YPEL2: variants seen among roughly 807,000 people sequenced by gnomAD.
YPEL2 encodes yippee like 2, also known as protein yippee-like 2.
A neutral mutation model predicts 19.1 loss-of-function variants in YPEL2; 2 were observed. The observed-to-expected ratio is 0.10, with a 90% CI of 0.04 to 0.33. The LOEUF is 0.33. Ranked by LOEUF, YPEL2 falls within the 10% of genes least tolerant of loss-of-function variation. The probability of loss-of-function intolerance (pLI) is 1.00; values close to 1 mark genes in which losing one functional copy is unlikely to be tolerated. For synonymous variants in YPEL2, 52 were observed against 50.0 expected (o/e 1.04, Z -0.17); for missense variants, 66 against 140.7 (o/e 0.47, Z 2.68).
Position 59,353,327 on chromosome 17 carries a change from T to TC in YPEL2, c.-82dup. 1 of 1,009,088 alleles carries TC rather than the reference T, an allele frequency of 9.9e-7. No individual in the cohort carries two copies. The highest frequency in any genetic ancestry group is 1.5e-6 in the Non-Finnish European group (1 of 671,684). The allele number at this position is 1,009,088 out of a possible 1,614,324, so 62.5% of individuals were successfully genotyped here. A position where few individuals can be genotyped will look rare whatever the true frequency, so the allele number is the denominator to read the frequency against. On this transcript the variant is annotated 5_prime_UTR_variant, in exon 2 of 5. Transcript: ENST00000312655. This position sits in a 1 kb window ranked among gnomAD's most constrained non-coding sequence, Gnocchi z 4.8. Reference sequence around the variant, plus strand: ...TGCCAAACCACGGCCTTTACCTGTGTCTTCCGGTGTTTCCCGTGCGACCCA... The same window carrying TC: ...TGCCAAACCACGGCCTTTACCTGTGTCCTTCCGGTGTTTCCCGTGCGACCCA...
Position 59,353,624 on chromosome 17 carries a change from T to TC in YPEL2, c.117+100dup, listed in dbSNP as rs1733962785. ...TACAAGCTCTCAAGAATATTTGTAC[T>TC]CCATCTTTGTACAGGGAGGGCTGAC... On this transcript the variant is annotated intron_variant, in intron 2 of 4. Coordinates refer to ENST00000312655, the MANE Select transcript of YPEL2 (RefSeq NM_001005404.4). This position sits in a 1 kb window ranked among gnomAD's most constrained non-coding sequence, Gnocchi z 4.8. 1.1e-6 allele frequency: 1 copy of TC among 942,482 alleles called. No individual in the cohort carries two copies. The highest frequency in any genetic ancestry group is 1.7e-6 in the Non-Finnish European group (1 of 576,414). 58.4% of individuals were successfully genotyped at this position (942,482 alleles called of 1,614,324 possible).
chr17:59,347,362 A>G (rs1298592817), intron 1 of YPEL2, among the ~76,000 whole-genome samples: 1 of 152,140 alleles, frequency 6.6e-6, no homozygotes, highest in Non-Finnish European at 1.5e-5. Flanking sequence ...CCTGGCCTCA[A>G]GCAGTCCTTC....
intron 1 of YPEL2, among the ~76,000 whole-genome samples, chr17:59,338,721 G>A (rs1242598135): frequency 6.6e-6 from 1 of 152,224 alleles, no homozygotes; most frequent in Non-Finnish European, 1.5e-5. Flanking sequence ...TTCCTTCACA[G>A]TAAGGGTGAA....
At chr17:59,341,062 T>A (rs187540780) in intron 1 of YPEL2, among the ~76,000 whole-genome samples, 10 of 146,356 alleles carry the variant, frequency 6.8e-5, no homozygotes, top group Non-Finnish European at 1.5e-4. Flanking sequence ...CGGTGGCTCA[T>A]GCCTGTAATC....
chr17:59,349,007 T>C (rs1361503915), intron 1 of YPEL2, among the ~76,000 whole-genome samples: 2 of 151,968 alleles, frequency 1.3e-5, no homozygotes, highest in African/African-American at 4.8e-5. Flanking sequence ...ACCCCGTCTC[T>C]ACTAAAAATA....
intron 1 of YPEL2, among the ~76,000 whole-genome samples, chr17:59,349,475 C>T (rs1330717234): frequency 2.0e-5 from 3 of 150,344 alleles, no homozygotes; most frequent in Non-Finnish European, 4.4e-5. Flanking sequence ...GCTGGGACTA[C>T]AGCTGGGACT....
At chr17:59,385,863 T>G (rs1273566978) in intron 2 of YPEL2, among the ~76,000 whole-genome samples, 1 of 152,240 alleles carries the variant, frequency 6.6e-6, no homozygotes, top group African/African-American at 2.4e-5. Context: ...TTTAGTTGAC[T>G]CAGAATATTT....
chr17:59,363,549 G>A (rs962814112), intron 2 of YPEL2, among the ~76,000 whole-genome samples: 2 of 152,142 alleles, frequency 1.3e-5, no homozygotes, highest in African/African-American at 4.8e-5. Context: ...CTGACCTCAA[G>A]TGATCCACCT....
chr17:59,398,144 TTC>T lies in YPEL2; in HGVS notation c.*956_*957del, dbSNP rs1429638269. 1 of 152,152 alleles carries T rather than the reference TTC, an allele frequency of 6.6e-6. No individual in the cohort carries two copies. 9.4% of individuals were successfully genotyped at this position (152,152 alleles called of 1,614,324 possible). A position where few individuals can be genotyped will look rare whatever the true frequency, so the allele number is the denominator to read the frequency against. ...AATAAAAAGTAGGATCAGTTAGCAATTCTAACTGCCCTTCCTTCTGACCCCTC... is the reference window on the plus strand; with the variant it reads ...AATAAAAAGTAGGATCAGTTAGCAATTAACTGCCCTTCCTTCTGACCCCTC... On this transcript the variant is annotated 3_prime_UTR_variant, in exon 5 of 5. Transcript: ENST00000312655.
chr17:59,393,596 G>A (rs2147960130), intron 4 of YPEL2, among the ~76,000 whole-genome samples: 1 of 147,024 alleles, frequency 6.8e-6, no homozygotes, highest in East Asian at 2.0e-4. Context: ...CAATAGTGGA[G>A]GGAAGGTCAG....
intron 2 of YPEL2, among the ~76,000 whole-genome samples, chr17:59,373,456 A>G (rs1011243337): frequency 7.2e-5 from 11 of 152,020 alleles, no homozygotes; most frequent in Non-Finnish European, 1.3e-4. Flanking sequence ...TGTCCCATCC[A>G]TCTTCTCTGA....
chr17:59,370,570 A>G (rs1210118160), intron 2 of YPEL2, among the ~76,000 whole-genome samples: 1 of 151,994 alleles, frequency 6.6e-6, no homozygotes, highest in African/African-American at 2.4e-5. Context: ...AAACAGAGGA[A>G]CCCAACACAA....
At chr17:59,358,690 A>G (rs1351124317) in intron 2 of YPEL2, among the ~76,000 whole-genome samples, 2 of 151,818 alleles carry the variant, frequency 1.3e-5, no homozygotes, top group East Asian at 3.9e-4. Context: ...ACTTACCGCA[A>G]CCTCTGCCTC....
intron 1 of YPEL2, among the ~76,000 whole-genome samples, chr17:59,332,109 C>G (rs2047673735): frequency 1.3e-5 from 2 of 152,062 alleles, no homozygotes; most frequent in African/African-American, 4.8e-5. Flanking sequence ...GGGAGACGCG[C>G]GCCAGGGGCT....
intron 1 of YPEL2, among the ~76,000 whole-genome samples, chr17:59,343,883 T>C (rs2047743386): frequency 2.0e-5 from 3 of 152,156 alleles, no homozygotes; most frequent in Admixed American, 6.5e-5. Context: ...TATGGGAAGC[T>C]GTCGCAGTAG....
Position 59,379,472 on chromosome 17 carries a change from C to T in YPEL2, c.118-8855C>T, listed in dbSNP as rs549705960. 7.7e-4 allele frequency among the ~76,000 whole-genome samples: 117 copies of T among 152,278 alleles called. No homozygotes were observed. The Middle Eastern group carries it at 0.01, about 13-fold the overall frequency. On this transcript the variant is annotated intron_variant, in intron 2 of 4. Coordinates refer to ENST00000312655, the MANE Select transcript of YPEL2 (RefSeq NM_001005404.4). ...CAAGGGCAAAGGTTTTACTAATCCT[C>T]CTTTGTATCTCTACCTACACACTTC...
At chr17:59,381,920 T>C (rs577978101) in intron 2 of YPEL2, among the ~76,000 whole-genome samples, 2 of 152,178 alleles carry the variant, frequency 1.3e-5, no homozygotes, top group Non-Finnish European at 2.9e-5. Context: ...TTAACTTCCT[T>C]TCAGTCTCCC....
At chr17:59,370,347 G>A (rs1433294040) in intron 2 of YPEL2, among the ~76,000 whole-genome samples, 1 of 152,218 alleles carries the variant, frequency 6.6e-6, no homozygotes, top group Non-Finnish European at 1.5e-5. Context: ...ACAGGTGGGA[G>A]CCACTGCGCC....
At chr17:59,363,043 T>C (rs1357989733) in intron 2 of YPEL2, 1 of 152,204 alleles carries the variant, frequency 6.6e-6, no homozygotes, top group Non-Finnish European at 1.5e-5. Context: ...AGAAGAATGT[T>C]ACAGATAAGG....
Sources: allele counts gnomAD v4.1 joint callset (sites outside exome capture counted in the v4.1 genomes callset), GRCh38; gene constraint gnomAD v4.1.1; non-coding constraint Gnocchi (gnomAD v3.1); transcripts MANE v1.5; gene names NCBI Gene and HGNC (gene_info 2026-07-23, HGNC 2026-07-21).